The following FBXL17 variants were observed in gnomAD, a reference collection of about 807,000 sequenced individuals.
FBXL17 encodes F-box/LRR-repeat protein 17.
Under a neutral mutation model 66.2 loss-of-function variants are expected in FBXL17, and 22 were observed. That is an observed-to-expected ratio of 0.33 (90% CI 0.24 to 0.47). The LOEUF (loss-of-function observed/expected upper bound fraction) is 0.47. FBXL17 is among the 20% of genes least tolerant of loss of function. FBXL17 has a pLI of 1.00. For synonymous variants in FBXL17, 474 were observed against 400.5 expected (o/e 1.18, Z -2.19); for missense variants, 878 against 948.2 (o/e 0.93, Z 0.97).
chr5:107,974,250 G>T (rs569028899), intron 7 of FBXL17, among the ~76,000 whole-genome samples: 2 of 152,240 alleles, frequency 1.3e-5, no homozygotes, highest in African/African-American at 2.4e-5. Flanking sequence ...CTAGGTGACT[G>T]TGATAGTCAA....
At chr5:108,082,662 C>G (rs889863065) in intron 6 of FBXL17, among the ~76,000 whole-genome samples, 4 of 152,062 alleles carry the variant, frequency 2.6e-5, no homozygotes, top group Non-Finnish European at 5.9e-5. Context: ...CAATGACAGT[C>G]CAGAGTGATC....
chr5:108,120,668 CA>C (rs954444851), intron 6 of FBXL17, among the ~76,000 whole-genome samples: 1 of 151,862 alleles, frequency 6.6e-6, no homozygotes, highest in African/African-American at 2.4e-5. Flanking sequence ...CTTATCTCTA[CA>C]AAAAAACATA....
At chr5:107,868,950 A>T (rs1748365257) in intron 8 of FBXL17, among the ~76,000 whole-genome samples, 1 of 152,114 alleles carries the variant, frequency 6.6e-6, no homozygotes, top group Non-Finnish European at 1.5e-5. Context: ...CATCCAACAA[A>T]CTCAAGTGTA....
At chr5:108,163,722 G>A (rs771024329) in intron 6 of FBXL17, among the ~76,000 whole-genome samples, 2 of 152,066 alleles carry the variant, frequency 1.3e-5, no homozygotes, top group Non-Finnish European at 2.9e-5. Flanking sequence ...TTTAAAATCT[G>A]TACTGAAGAT....
chr5:108,192,664 T>C (rs1458724911), intron 5 of FBXL17, among the ~76,000 whole-genome samples: 1 of 152,096 alleles, frequency 6.6e-6, no homozygotes, highest in Non-Finnish European at 1.5e-5. Flanking sequence ...TGGTCAGGCG[T>C]ACCTGTAATC....
intron 4 of FBXL17, among the ~76,000 whole-genome samples, chr5:108,266,241 T>C (rs1757040802): frequency 6.6e-6 from 1 of 152,154 alleles, no homozygotes; most frequent in Non-Finnish European, 1.5e-5. Flanking sequence ...TATCCATAGT[T>C]TCACATTCCA....
At chr5:108,269,219 T>A (rs2150135373) in intron 4 of FBXL17, among the ~76,000 whole-genome samples, 1 of 152,186 alleles carries the variant, frequency 6.6e-6, no homozygotes, top group East Asian at 1.9e-4. Context: ...GTAAGAGTGA[T>A]CTTCTTGAAC....
chr5:108,055,525 C>T (rs1007069737), intron 6 of FBXL17, among the ~76,000 whole-genome samples: 3 of 141,574 alleles, frequency 2.1e-5, no homozygotes, highest in African/African-American at 5.1e-5. Context: ...AGGAGAATGG[C>T]GTGAACCCGG....
chr5:108,311,705 T>C (rs993325879), intron 4 of FBXL17, among the ~76,000 whole-genome samples: 7 of 152,140 alleles, frequency 4.6e-5, no homozygotes, highest in South Asian at 2.1e-4. Context: ...AAAAAAAAGA[T>C]AGATTTGCTC....
intron 1 of FBXL17, among the ~76,000 whole-genome samples, chr5:108,376,676 T>C (rs1382780885): frequency 6.6e-6 from 1 of 152,238 alleles, no homozygotes; most frequent in African/African-American, 2.4e-5. Context: ...CAGTTTCTAT[T>C]AACTGCTTTC....
At chr5:108,164,195 T>C (rs905103839) in intron 6 of FBXL17, among the ~76,000 whole-genome samples, 4 of 152,218 alleles carry the variant, frequency 2.6e-5, no homozygotes, top group African/African-American at 7.2e-5. Flanking sequence ...GATAAGCACA[T>C]AATTAATTTA....
In FBXL17 at chr5:108,077,508, A is replaced by G. The variant is rs1050287253; in HGVS notation, c.1746-56507T>C. On this transcript the variant is annotated intron_variant, in intron 6 of 8. Transcript: ENST00000542267. Reference sequence around the variant, plus strand: ...TGAAACCCCATCTCTACAAAAAATCAAAAAATTAACCAGATGTGGTAGCAT... The same window carrying G: ...TGAAACCCCATCTCTACAAAAAATCGAAAAATTAACCAGATGTGGTAGCAT... Among the ~76,000 whole-genome samples the G allele has an allele frequency of 5.9e-5, 9 of 152,218 alleles. No homozygotes were observed. In the South Asian group the frequency reaches 1.9e-3, roughly 32 times the overall value.
At chr5:107,916,198 G>A (rs1750125294) in intron 7 of FBXL17, among the ~76,000 whole-genome samples, 1 of 152,114 alleles carries the variant, frequency 6.6e-6, no homozygotes, top group Non-Finnish European at 1.5e-5. Flanking sequence ...AGGTGGTTTG[G>A]GACTACGATA....
chr5:108,141,579 C>T (rs1226421341), intron 6 of FBXL17, among the ~76,000 whole-genome samples: 1 of 152,210 alleles, frequency 6.6e-6, no homozygotes, highest in African/African-American at 2.4e-5. Context: ...CACTCTTCTA[C>T]ACATCTACAG....
At chr5:107,905,821 C>G (rs879370779) in intron 7 of FBXL17, among the ~76,000 whole-genome samples, 4 of 152,138 alleles carry the variant, frequency 2.6e-5, no homozygotes, top group African/African-American at 4.8e-5. Flanking sequence ...TTAATAAATT[C>G]TATATGTTTC....
intron 5 of FBXL17, among the ~76,000 whole-genome samples, chr5:108,205,935 T>C (rs1260844278): frequency 6.6e-6 from 1 of 152,042 alleles, no homozygotes; most frequent in African/African-American, 2.4e-5. Flanking sequence ...GAATACTATA[T>C]AAATGATGCT....
chr5:108,343,593 T>A (rs1395642783), intron 4 of FBXL17, among the ~76,000 whole-genome samples: 2 of 152,172 alleles, frequency 1.3e-5, no homozygotes, highest in African/African-American at 4.8e-5. Context: ...ATTTATTAAC[T>A]CTATGGTGAA....
intron 6 of FBXL17, among the ~76,000 whole-genome samples, chr5:108,055,300 A>AG (rs1747650253): frequency 2.9e-5 from 1 of 34,010 alleles, no homozygotes; most frequent in Non-Finnish European, 5.6e-5. Flanking sequence ...AAAAAAAAAA[A>AG]AAAAAAAAAA....
chr5:108,030,023 T>C (rs991802115), intron 6 of FBXL17, among the ~76,000 whole-genome samples: 7 of 152,190 alleles, frequency 4.6e-5, no homozygotes, highest in Non-Finnish European at 8.8e-5. Context: ...AAATAACTTA[T>C]AATCAAAGGA....
Sources: gnomAD v4.1 joint callset for allele counts (sites outside exome capture counted in the v4.1 genomes callset) on GRCh38, gnomAD v4.1.1 for gene constraint, MANE v1.5 for transcripts, NCBI Gene and HGNC (gene_info 2026-07-23, HGNC 2026-07-21) for gene names.